ATP2C2: variants seen among roughly 807,000 people sequenced by gnomAD.
The protein encoded by ATP2C2 is calcium-transporting ATPase type 2C member 2.
In ATP2C2, 171 loss-of-function variants were observed where a neutral mutation model predicts 110.8. The ratio of observed to expected loss-of-function variants is 1.54; its 90% confidence interval spans 1.36 to 1.75. ATP2C2 has a LOEUF of 1.75. Ranked by LOEUF, ATP2C2 falls within the 40% of genes most tolerant of loss-of-function variation. The probability of loss-of-function intolerance (pLI) is 0.00; values close to 1 mark genes in which losing one functional copy is unlikely to be tolerated. For missense variants in ATP2C2, 1,963 were observed against 1,235.0 expected, an observed-to-expected ratio of 1.59 and a Z score of -8.84; for synonymous variants, 804 against 508.4, an observed-to-expected ratio of 1.58 and a Z score of -7.82.
At chr16:84,461,201 C>T (rs993386887) in intron 24 of ATP2C2, 3 of 252,610 alleles carry the variant, frequency 1.2e-5, no homozygotes, top group Non-Finnish European at 2.3e-5. Context: ...TTTTCATGGC[C>T]TGCAGGTTCA....
At chr16:84,406,723 G>A (rs74872835) in intron 3 of ATP2C2, 17 of 879,254 alleles carry the variant, frequency 1.9e-5, no homozygotes, top group Middle Eastern at 5.7e-4. Flanking sequence ...GGAGGCTCCC[G>A]GAAGTTGGGG....
chr16:84,412,852 T>G (rs920164832), intron 6 of ATP2C2, among the ~76,000 whole-genome samples: 1 of 151,978 alleles, frequency 6.6e-6, no homozygotes, highest in African/African-American at 2.4e-5. Flanking sequence ...TCCCAGCACT[T>G]TGGGAGGCCG....
chr16:84,459,952 T>G, intron 23 of ATP2C2: 2 of 265,556 alleles, frequency 7.5e-6, no homozygotes, highest in East Asian at 8.8e-5. Context: ...GGCCAAGTGG[T>G]GTGGGGGAAG....
At chr16:84,372,673 C>T (rs1035458260) in intron 1 of ATP2C2, among the ~76,000 whole-genome samples, 1 of 152,028 alleles carries the variant, frequency 6.6e-6, no homozygotes, top group African/African-American at 2.4e-5. Flanking sequence ...ATCCGCCTGC[C>T]TCAGCCTCCC....
At chr16:84,448,466 G>C in intron 16 of ATP2C2, 67 bp from the exon 17 acceptor site, 1 of 1,517,382 alleles carries the variant, frequency 6.6e-7, no homozygotes, top group Non-Finnish European at 8.9e-7. Context: ...TGTGCAGAGT[G>C]GGGTGATGGT....
chr16:84,435,616 A>T (rs1908666136), intron 11 of ATP2C2, among the ~76,000 whole-genome samples: 2 of 152,186 alleles, frequency 1.3e-5, no homozygotes, highest in Non-Finnish European at 2.9e-5. Flanking sequence ...ACTTGAGCCC[A>T]GAAGTTCAAG....
chr16:84,450,480 G>A (rs1012887288), intron 17 of ATP2C2, among the ~76,000 whole-genome samples: 2 of 152,152 alleles, frequency 1.3e-5, no homozygotes, highest in Non-Finnish European at 2.9e-5. Context: ...AGGGGAGCAC[G>A]GAGGCAGGAG....
At chr16:84,387,449 T>C (rs760949433) in intron 1 of ATP2C2, among the ~76,000 whole-genome samples, 6 of 151,672 alleles carry the variant, frequency 4.0e-5, no homozygotes, top group Non-Finnish European at 8.8e-5. Flanking sequence ...GAGGCGGAGG[T>C]TGCAGTGAGC....
At chr16:84,430,477 C>T (rs1459247789) in intron 11 of ATP2C2, among the ~76,000 whole-genome samples, 1 of 152,010 alleles carries the variant, frequency 6.6e-6, no homozygotes, top group African/African-American at 2.4e-5. Context: ...CCCATCTGTA[C>T]TAAAAATACA....
rs781396467 is a variant in ATP2C2 at position 84,461,741 on chromosome 16, C to G, written c.2509C>G (p.Arg837Gly). 1 of 1,614,198 alleles carries G rather than the reference C, an allele frequency of 6.2e-7. No homozygotes were observed. Among genetic ancestry groups the G allele is most frequent in the South Asian group, 1.1e-5 (1 of 91,086 alleles). ...EMPEDRASTP[R>G]TTTMTFTCFV... is the part of the protein sequence containing the mutation. The stretch of plus-strand genomic sequence containing the variant: ...GCCTGAAGACAGAGCAAGCACTCCC[C>G]GCACCACGACGATGACGTTCACTTG... The change falls in exon 25 of 27, where the codon CGC becomes GGC. Residue 837 changes from arginine to glycine, a missense_variant. By Grantham distance (125) the Arg-to-Gly change is moderately radical. Transcript: ENST00000262429.
At chr16:84,455,595 T>A (rs1910720359) in intron 21 of ATP2C2, among the ~76,000 whole-genome samples, 2 of 152,082 alleles carry the variant, frequency 1.3e-5, no homozygotes, top group South Asian at 4.2e-4. Context: ...GAGACTCTCC[T>A]CATAAGCTAA....
In ATP2C2 at chr16:84,463,844, C is replaced by G; in HGVS notation, c.*112C>G. On this transcript the variant is annotated 3_prime_UTR_variant, in exon 27 of 27. Transcript: ENST00000262429. ...TTTAGGAGGCCGCAGCCTTCCATCA[C>G]CGGATCAGTTTTTCCTCTTAGGAAA... 2 of 961,258 alleles carry G rather than the reference C, an allele frequency of 2.1e-6. No individual in the cohort carries two copies. Among genetic ancestry groups the G allele is most frequent in the Admixed American group, 2.1e-5 (1 of 47,952 alleles). 59.5% of individuals were successfully genotyped at this position (961,258 alleles called of 1,614,324 possible). A position where few individuals can be genotyped will look rare whatever the true frequency, so the allele number is the denominator to read the frequency against.
At chr16:84,413,320 G>A (rs924203387) in intron 6 of ATP2C2, among the ~76,000 whole-genome samples, 1 of 152,100 alleles carries the variant, frequency 6.6e-6, no homozygotes, top group Non-Finnish European at 1.5e-5. Flanking sequence ...ATACGGTCCC[G>A]CGTCTCAAAG....
chr16:84,434,136 G>C (rs967686145), intron 11 of ATP2C2, among the ~76,000 whole-genome samples: 1 of 151,928 alleles, frequency 6.6e-6, no homozygotes, highest in Non-Finnish European at 1.5e-5. Flanking sequence ...CGAATTCCTG[G>C]GTCGGGCACG....
intron 24 of ATP2C2, chr16:84,461,299 G>A: frequency 3.4e-6 from 1 of 295,580 alleles, no homozygotes. Flanking sequence ...CCCATGTGCA[G>A]GAAGCGGGAG....
rs114327549 is a variant in ATP2C2 at position 84,396,591 on chromosome 16, T to C, written c.100-1908T>C. Among the ~76,000 whole-genome samples, 1,305 of 145,270 alleles carry C rather than the reference T, an allele frequency of 9.0e-3. 31 individuals are homozygous for C. Among genetic ancestry groups the C allele is most frequent in the African/African-American group, 0.031 (1,211 of 38,846 alleles). On this transcript the variant is annotated intron_variant, in intron 1 of 26. Transcript: ENST00000262429. ...AAAAAAAGGAAAAGTGAATTCGGTG[T>C]AGTGAGTCACAAATGGCAAGGCTGA...
intron 10 of ATP2C2, among the ~76,000 whole-genome samples, chr16:84,425,362 C>T (rs1435095701): frequency 6.6e-6 from 1 of 152,166 alleles, no homozygotes; most frequent in Non-Finnish European, 1.5e-5. Context: ...AAACAGTGAC[C>T]TATCTGCCCA....
At chr16:84,394,883 C>T (rs763454939) in intron 1 of ATP2C2, among the ~76,000 whole-genome samples, 6 of 152,142 alleles carry the variant, frequency 3.9e-5, no homozygotes, top group Non-Finnish European at 5.9e-5. Context: ...TGTAAAGATG[C>T]CCTCCAGATA....
At chr16:84,406,559 C>A in intron 3 of ATP2C2, 1 of 983,502 alleles carries the variant, frequency 1.0e-6, no homozygotes, top group Non-Finnish European at 1.2e-6. Context: ...TCTCCACTCT[C>A]CTTGAGGTCC....
Sources: gnomAD v4.1 joint callset for allele counts (sites outside exome capture counted in the v4.1 genomes callset) on GRCh38, gnomAD v4.1.1 for gene constraint, MANE v1.5 for transcripts, NCBI Gene and HGNC (gene_info 2026-07-23, HGNC 2026-07-21) for gene names.